The following RPL11 variants were observed in gnomAD, a reference collection of about 807,000 sequenced individuals.
RPL11 encodes large ribosomal subunit protein uL5.
A neutral mutation model predicts 24.1 loss-of-function variants in RPL11; 3 were observed. The ratio of observed to expected loss-of-function variants is 0.12; its 90% confidence interval spans 0.06 to 0.32. The LOEUF is 0.32. RPL11 is among the 10% of genes least tolerant of loss of function. RPL11 has a pLI of 1.00. For missense variants in RPL11, 146 were observed against 225.7 expected (o/e 0.65, Z 2.26); for synonymous variants, 96 against 75.7 (o/e 1.27, Z -1.39).
rs1644505826 is a variant in RPL11 at position 23,692,354 on chromosome 1, G to A, written c.7-255G>A. On this transcript the variant is annotated intron_variant, in intron 1 of 5. Coordinates refer to ENST00000643754, the MANE Select transcript of RPL11 (RefSeq NM_000975.5). Reference sequence around the variant, plus strand: ...TGTTACCCTGAGCCTCTTAGGGTTCGATCTCAGTGTCCGTATCTTTTAACA... The same window carrying A: ...TGTTACCCTGAGCCTCTTAGGGTTCAATCTCAGTGTCCGTATCTTTTAACA... The A allele has an allele frequency of 1.0e-5, 5 of 488,820 alleles. No individual in the cohort carries two copies. The South Asian group carries it at 1.1e-4, about 11-fold the overall frequency. 30.3% of individuals were successfully genotyped at this position (488,820 alleles called of 1,614,324 possible).
At chr1:23,692,840 T>A (rs1282122210) in intron 2 of RPL11, 81 bp downstream of exon 2, 4 of 1,579,286 alleles carry the variant, frequency 2.5e-6, no homozygotes, top group Non-Finnish European at 3.5e-6. Flanking sequence ...TCGAGTCTGT[T>A]TAGAAAGTGA....
chr1:23,692,492 C>T (rs1185480139), intron 1 of RPL11, 117 bp from the exon 2 acceptor site: 10 of 1,323,670 alleles, frequency 7.6e-6, no homozygotes, highest in Non-Finnish European at 1.1e-5. Flanking sequence ...TTTAAACATT[C>T]AGGGTCTTCG....
At chr1:23,692,562 G>C (rs760584248) in intron 1 of RPL11, 47 bp from the exon 2 acceptor site, 10 of 1,612,876 alleles carry the variant, frequency 6.2e-6, no homozygotes, top group Middle Eastern at 1.7e-4. Context: ...GTAAAACTCA[G>C]GGCCCTCAGC....
In RPL11 at chr1:23,694,695, A is replaced by G. The variant is rs372622822; in HGVS notation, c.300A>G (p.Ser100=). ...ATGAGTTAAGAAAAAACAACTTCTC[A>G]GATACTGGAAACTTTGGTTTTGGGA... ...REYELRKNNF[S]DTGNFGFGIQ... The change falls in exon 4 of 6, where the codon TCA becomes TCG. Residue 100 remains serine (S), a synonymous_variant. Coordinates refer to ENST00000643754, the MANE Select transcript of RPL11 (RefSeq NM_000975.5). The G allele has an allele frequency of 6.3e-5, 101 of 1,614,130 alleles. 1 individual carries two copies. In the South Asian group the frequency reaches 7.2e-4, roughly 12 times the overall value.
At chr1:23,692,483 T>C in intron 1 of RPL11, 126 bp from the exon 2 acceptor site, 4 of 1,257,208 alleles carry the variant, frequency 3.2e-6, no homozygotes, top group Non-Finnish European at 4.6e-6. Context: ...ATTATACCTT[T>C]TAAACATTCA....
intron 2 of RPL11, 100 bp downstream of exon 2, chr1:23,692,859 A>G: frequency 2.0e-6 from 3 of 1,498,596 alleles, no homozygotes; most frequent in Non-Finnish European, 2.8e-6. Context: ...GACAGTCGGC[A>G]TCACTTAAAG....
In RPL11 at chr1:23,692,767, G is replaced by A; in HGVS notation, c.157+8G>A. The A allele has an allele frequency of 6.2e-7, 1 of 1,613,066 alleles. No homozygotes were observed. On this transcript the variant is annotated splice_region_variant and intron_variant, in intron 2 of 5. Transcript: ENST00000643754. ...CCCCTGTGTTTTCCAAAGGTGAGTA[G>A]TCACAAGGACATACAGGGTTTGCCT...
intron 3 of RPL11, 85 bp downstream of exon 3, chr1:23,693,998 T>G: frequency 1.0e-6 from 1 of 1,004,972 alleles, no homozygotes; most frequent in Non-Finnish European, 1.6e-6. Context: ...TGTTCTGTTC[T>G]TTGGTGTCTT....
In RPL11 at chr1:23,691,940, C is replaced by T. The variant is rs112942570; in HGVS notation, c.6+111C>T. The T allele has an allele frequency of 5.8e-6, 8 of 1,385,868 alleles. No individual in the cohort carries two copies. The African/African-American group carries it at 7.1e-5, about 12-fold the overall frequency. The allele number at this position is 1,385,868 out of a possible 1,614,324, so 85.8% of individuals were successfully genotyped here. Reference sequence around the variant, plus strand: ...CCCGAGGAATATGGAGCCCGCAATGCCTGCTGGCCCAAAACTAGCAGAGCC... The same window carrying T: ...CCCGAGGAATATGGAGCCCGCAATGTCTGCTGGCCCAAAACTAGCAGAGCC... On this transcript the variant is annotated intron_variant, in intron 1 of 5. Coordinates refer to ENST00000643754, the MANE Select transcript of RPL11 (RefSeq NM_000975.5).
At chr1:23,694,252 C>A (rs1183744427) in intron 3 of RPL11, among the ~76,000 whole-genome samples, 1 of 152,056 alleles carries the variant, frequency 6.6e-6, no homozygotes, top group Non-Finnish European at 1.5e-5. Context: ...GTGGCGGGCT[C>A]CTGTAGTCCC....
chr1:23,694,630 G>A, intron 3 of RPL11, 30 bp from the exon 4 acceptor site: 1 of 1,613,468 alleles, frequency 6.2e-7, no homozygotes, highest in Non-Finnish European at 8.5e-7. Flanking sequence ...AAGATGACAA[G>A]GAATGTTATT....
rs553745682 is a variant in RPL11, at chr1:23,694,918, T to C, written c.396+127T>C. 149 of 1,452,662 alleles carry C rather than the reference T, an allele frequency of 1.0e-4. 1 individual carries two copies. In the South Asian group the frequency reaches 1.7e-3, roughly 16 times the overall value. The allele number at this position is 1,452,662 out of a possible 1,614,324, so 90.0% of individuals were successfully genotyped here. A position where few individuals can be genotyped will look rare whatever the true frequency, so the allele number is the denominator to read the frequency against. On this transcript the variant is annotated intron_variant, in intron 4 of 5. Coordinates refer to ENST00000643754, the MANE Select transcript of RPL11 (RefSeq NM_000975.5). ...AATATTGTCTGCCTTTGTGTTCTCC[T>C]CCCCCTTGGGGAAATGTGCCTCATT...
chr1:23,695,037 G>C (rs1644525159), intron 4 of RPL11: 1 of 546,254 alleles, frequency 1.8e-6, no homozygotes, highest in South Asian at 1.9e-5. Flanking sequence ...CACCCACATG[G>C]CTTAAAGGTG....
At chr1:23,692,307 G>A (rs1644505532) in intron 1 of RPL11, 2 of 438,202 alleles carry the variant, frequency 4.6e-6, no homozygotes, top group Admixed American at 3.6e-5. Flanking sequence ...CCCTTAGTTG[G>A]CCTTACAATG....
At chr1:23,694,591 A>C in intron 3 of RPL11, 69 bp from the exon 4 acceptor site, 1 of 1,606,638 alleles carries the variant, frequency 6.2e-7, no homozygotes, top group Non-Finnish European at 8.5e-7. Context: ...CTGAGCTATT[A>C]ATAGTTACTT....
upstream of RPL11, chr1:23,691,801 G>C (rs373385064): frequency 2.5e-6 from 4 of 1,614,100 alleles, no homozygotes; most frequent in Non-Finnish European, 3.4e-6. Flanking sequence ...CGGAAGCTCC[G>C]CTTTCTCTTC....
chr1:23,692,574 G>C (rs1644507550), intron 1 of RPL11, 35 bp from the exon 2 acceptor site: 1 of 1,613,738 alleles, frequency 6.2e-7, no homozygotes. Context: ...GCCCTCAGCT[G>C]TGAGTGTATT....
rs12061836 is a variant in RPL11 at position 23,692,879 on chromosome 1, C to T, written c.157+120C>T. On this transcript the variant is annotated intron_variant, in intron 2 of 5. Transcript: ENST00000643754. Reference sequence around the variant, plus strand: ...TCGGCATCACTTAAAGCATTAAATTCATGAGCCGGCCAAGAGGTGTCTTTT... The same window carrying T: ...TCGGCATCACTTAAAGCATTAAATTTATGAGCCGGCCAAGAGGTGTCTTTT... 1,576 of 1,220,734 alleles carry T rather than the reference C, an allele frequency of 1.3e-3. 15 individuals are homozygous for T. In the African/African-American group the frequency reaches 0.022, roughly 17 times the overall value. The allele number at this position is 1,220,734 out of a possible 1,614,324, so 75.6% of individuals were successfully genotyped here.
At chr1:23,693,589 CT>C (rs2124429905) in intron 2 of RPL11, among the ~76,000 whole-genome samples, 1 of 152,308 alleles carries the variant, frequency 6.6e-6, no homozygotes, top group South Asian at 2.1e-4. Context: ...CTGTTCTTAA[CT>C]GCTGAAGGAT....
Sources: allele counts gnomAD v4.1 joint callset (sites outside exome capture counted in the v4.1 genomes callset), GRCh38; gene constraint gnomAD v4.1.1; transcripts MANE v1.5; gene names NCBI Gene and HGNC (gene_info 2026-07-23, HGNC 2026-07-21).